DYNC2LI1: variants seen among roughly 807,000 people sequenced by gnomAD.
DYNC2LI1 encodes the protein dynein cytoplasmic 2 light intermediate chain 1, also known as cytoplasmic dynein 2 light intermediate chain 1.
Under a neutral mutation model 51.9 loss-of-function variants are expected in DYNC2LI1, and 45 were observed. The ratio of observed to expected loss-of-function variants is 0.87; its 90% CI spans 0.68 to 1.11. The LOEUF (loss-of-function observed/expected upper bound fraction) is 1.11, where lower values mean the gene tolerates loss of function less well. Among genes scored for constraint, DYNC2LI1 ranks in the 50% most tolerant of loss-of-function variants. The pLI is 0.00. For synonymous variants in DYNC2LI1, 130 were observed against 137.8 expected, an observed-to-expected ratio of 0.94 and a Z score of 0.40; for missense variants, 490 against 417.4, an observed-to-expected ratio of 1.17 and a Z score of -1.51.
intron 6 of DYNC2LI1, chr2:43,795,050 T>A (rs767592831): frequency 1.2e-4 from 120 of 1,040,630 alleles, no homozygotes; most frequent in Non-Finnish European, 1.4e-4. Context: ...CACTCTGTAT[T>A]TTACATTCAT....
chr2:43,810,563 T>C, downstream of DYNC2LI1: 4 of 959,866 alleles, frequency 4.2e-6, no homozygotes, highest in Non-Finnish European at 5.0e-6. Context: ...ATTTATTCTA[T>C]GTTCTTCCAT....
the DYNC2LI1 span, chr2:43,828,205 C>T: frequency 5.0e-6 from 8 of 1,588,810 alleles, no homozygotes; most frequent in Non-Finnish European, 6.8e-6. Flanking sequence ...AGAGGCAGCA[C>T]ACCGCCCAAG....
the DYNC2LI1 span, chr2:43,824,027 C>A: frequency 1.2e-6 from 2 of 1,614,128 alleles, no homozygotes; most frequent in East Asian, 4.5e-5. Flanking sequence ...ACCCGCAGAA[C>A]GAAGAAAAGG....
intron 1 of DYNC2LI1, among the ~76,000 whole-genome samples, chr2:43,774,571 A>C (rs1316201290): frequency 1.3e-5 from 2 of 152,226 alleles, no homozygotes; most frequent in East Asian, 1.9e-4. Context: ...TTAAGGGGGG[A>C]AACGGGAGAG....
chr2:43,782,231 A>C (rs1031378303), intron 2 of DYNC2LI1, among the ~76,000 whole-genome samples: 2 of 152,094 alleles, frequency 1.3e-5, no homozygotes, highest in Admixed American at 1.3e-4. Context: ...TTTCAGTTTG[A>C]TGTAACACTG....
chr2:43,789,646 C>T lies in DYNC2LI1; in HGVS notation c.245C>T (p.Ala82Val). The change falls in exon 5 of 13, where the codon GCT becomes GTT. Residue 82 changes from alanine (A) to valine (V), a missense_variant. Ala to Val is a moderately conservative substitution (Grantham distance 64). Transcript: ENST00000260605. Reference sequence around the variant, plus strand: ...TTTGTTTTTCAGCCAAAAGATATCGCTCACTTTTGGGAACTCGGTGGAGGA... The same window carrying T: ...TTTGTTTTTCAGCCAAAAGATATCGTTCACTTTTGGGAACTCGGTGGAGGA... ...AKGHNTPKDI[A>V]HFWELGGGTS... is the part of the protein sequence containing the mutation. The T allele has an allele frequency of 6.2e-7, 1 of 1,613,666 alleles. No individual in the cohort carries two copies.
downstream of DYNC2LI1, among the ~76,000 whole-genome samples, chr2:43,811,226 A>G (rs902873951): frequency 1.3e-5 from 2 of 152,190 alleles, no homozygotes; most frequent in Non-Finnish European, 2.9e-5. Flanking sequence ...CTGATGTGAC[A>G]TATATAATCT....
chr2:43,821,133 C>T, the DYNC2LI1 span, among the ~76,000 whole-genome samples: 2 of 152,220 alleles, frequency 1.3e-5, no homozygotes, highest in Admixed American at 1.3e-4. Flanking sequence ...ACTCGCCCCT[C>T]CTTACCACTT....
intron 3 of DYNC2LI1, among the ~76,000 whole-genome samples, chr2:43,786,169 A>G (rs1308568277): frequency 1.3e-5 from 2 of 152,206 alleles, no homozygotes; most frequent in Non-Finnish European, 2.9e-5. Context: ...AAGATAAAGA[A>G]CTGCTAGAGA....
At chr2:43,807,412 A>G (rs1666302253) in intron 12 of DYNC2LI1, among the ~76,000 whole-genome samples, 1 of 152,132 alleles carries the variant, frequency 6.6e-6, no homozygotes, top group Admixed American at 6.6e-5. Flanking sequence ...TGTGGAAAGC[A>G]CTTGCTGAGC....
intron 1 of DYNC2LI1, among the ~76,000 whole-genome samples, chr2:43,775,013 C>T (rs184591091): frequency 3.9e-4 from 58 of 149,008 alleles, no homozygotes; most frequent in Non-Finnish European, 4.4e-5. Context: ...CCTGTTTTGA[C>T]CCTTTTTCTT....
At chr2:43,811,794 C>T (rs1381658503), downstream of DYNC2LI1, among the ~76,000 whole-genome samples, 1 of 152,080 alleles carries the variant, frequency 6.6e-6, no homozygotes, top group Non-Finnish European at 1.5e-5. Flanking sequence ...CGGGGTTTCA[C>T]CATGTTGGCC....
At chr2:43,824,153 A>G in the DYNC2LI1 span, 1 of 1,614,158 alleles carries the variant, frequency 6.2e-7, no homozygotes, top group Admixed American at 1.7e-5. Context: ...ATTCCTTTTC[A>G]GAATTGTTAT....
At chr2:43,784,016 A>G (rs1673406718) in intron 3 of DYNC2LI1, among the ~76,000 whole-genome samples, 1 of 152,146 alleles carries the variant, frequency 6.6e-6, no homozygotes, top group African/African-American at 2.4e-5. Context: ...TCAGATTAAG[A>G]TTTAGCAGTA....
the DYNC2LI1 span, among the ~76,000 whole-genome samples, chr2:43,817,345 C>T: frequency 2.6e-5 from 4 of 151,856 alleles, no homozygotes; most frequent in South Asian, 2.1e-4. Context: ...ATTAGCTGGG[C>T]GTGGTGGTGC....
At chr2:43,790,876 T>C (rs974145760) in intron 5 of DYNC2LI1, among the ~76,000 whole-genome samples, 1 of 152,094 alleles carries the variant, frequency 6.6e-6, no homozygotes, top group African/African-American at 2.4e-5. Flanking sequence ...TGGTGACAAA[T>C]AAGTGAAGCT....
At chr2:43,786,509 C>G (rs148663775) in intron 3 of DYNC2LI1, among the ~76,000 whole-genome samples, 1,583 of 152,188 alleles carry the variant, frequency 0.01, 10 homozygotes, top group Non-Finnish European at 0.015. Flanking sequence ...TTTAAATTGA[C>G]AGTCATTAGG....
At chr2:43,800,787 G>T in intron 8 of DYNC2LI1, 54 bp from the exon 9 acceptor site, 2 of 995,288 alleles carry the variant, frequency 2.0e-6, no homozygotes, top group Non-Finnish European at 3.0e-6. Flanking sequence ...TATTTTACCT[G>T]TTTCTGTGAT....
chr2:43,826,319 C>T, the DYNC2LI1 span: 1 of 1,610,700 alleles, frequency 6.2e-7, no homozygotes, highest in South Asian at 1.1e-5. Context: ...AATCTTGCCC[C>T]TGCCCCTGTG....
Sources: gnomAD v4.1 joint callset for allele counts (sites outside exome capture counted in the v4.1 genomes callset) on GRCh38, gnomAD v4.1.1 for gene constraint, MANE v1.5 for transcripts, NCBI Gene and HGNC (gene_info 2026-07-23, HGNC 2026-07-21) for gene names.